The following CNBD1 variants were observed in gnomAD, a reference collection of about 807,000 sequenced individuals.
CNBD1 encodes the protein cyclic nucleotide binding domain containing 1, also known as cyclic nucleotide-binding domain-containing protein 1.
A neutral mutation model predicts 54.4 loss-of-function variants in CNBD1; 71 were observed. The ratio of observed to expected loss-of-function variants is 1.30; its 90% CI spans 1.08 to 1.59. The LOEUF (loss-of-function observed/expected upper bound fraction) is 1.59. Ranked by LOEUF, CNBD1 falls within the 40% of genes most tolerant of loss-of-function variation. The pLI is 0.00. For synonymous variants in CNBD1, 182 were observed against 170.7 expected, an observed-to-expected ratio of 1.07 and a Z score of -0.51; for missense variants, 659 against 518.0, an observed-to-expected ratio of 1.27 and a Z score of -2.64.
intron 5 of CNBD1, among the ~76,000 whole-genome samples, chr8:87,211,561 A>G (rs1248467740): frequency 1.3e-5 from 2 of 152,174 alleles, no homozygotes; most frequent in Non-Finnish European, 2.9e-5. Context: ...TGTCCTCATG[A>G]TAGTGAGTGA....
chr8:87,374,040 C>G (rs554226979), intron 10 of CNBD1, among the ~76,000 whole-genome samples: 1 of 151,690 alleles, frequency 6.6e-6, no homozygotes, highest in African/African-American at 2.4e-5. Flanking sequence ...ACATTTCTCT[C>G]CTTTGGTTGA....
chr8:87,422,723 G>T (rs1329270927), intron 2 of CNBD1, among the ~76,000 whole-genome samples: 2 of 152,106 alleles, frequency 1.3e-5, no homozygotes, highest in African/African-American at 2.4e-5. Flanking sequence ...CTCCAGCTTT[G>T]TTCTTTTGGC....
intron 4 of CNBD1, among the ~76,000 whole-genome samples, chr8:87,134,594 C>CTTTTTT (rs1167232265): frequency 3.4e-5 from 3 of 86,962 alleles, no homozygotes; most frequent in Non-Finnish European, 4.8e-5. Flanking sequence ...ATTAGATTAC[C>CTTTTTT]TTTTTTTTTT....
intron 9 of CNBD1, among the ~76,000 whole-genome samples, chr8:87,352,478 C>CAAAAAAAAAAAAAAAAAAAAAAA (rs386413278): frequency 9.3e-6 from 1 of 107,494 alleles, no homozygotes; most frequent in African/African-American, 3.8e-5. Context: ...GACTCTGTCT[C>CAAAAAAAAAAAAAAAAAAAAAAA]AAAAAAAAAA....
intron 3 of CNBD1, among the ~76,000 whole-genome samples, chr8:86,911,933 A>G (rs1023726838): frequency 1.3e-5 from 2 of 152,164 alleles, no homozygotes; most frequent in Non-Finnish European, 2.9e-5. Flanking sequence ...TACTAGGAAA[A>G]CTATAAATTT....
rs993138799 is a variant in CNBD1, at chr8:87,032,214, C to T, written c.431+92460C>T. On this transcript the variant is annotated intron_variant, in intron 4 of 10. Transcript: ENST00000518476. ...TTGGAATCCAAAATTATATGCAATT[C>T]ACCCTTGAACAATGTGGGGGGTAGG... 7.9e-5 allele frequency among the ~76,000 whole-genome samples: 12 copies of T among 152,292 alleles called. No individual in the cohort carries two copies. In the South Asian group the frequency reaches 1.9e-3, roughly 24 times the overall value.
chr8:86,940,451 C>T (rs1809634620), intron 4 of CNBD1, among the ~76,000 whole-genome samples: 1 of 152,112 alleles, frequency 6.6e-6, no homozygotes, highest in South Asian at 2.1e-4. Context: ...CAGGTGTGAG[C>T]TTCCGCACCC....
At chr8:87,404,905 A>G (rs185172389) in intron 2 of CNBD1, among the ~76,000 whole-genome samples, 1 of 152,104 alleles carries the variant, frequency 6.6e-6, no homozygotes, top group East Asian at 1.9e-4. Flanking sequence ...GCTTCTGTAT[A>G]TATATTTCTC....
rs182049590 is a variant in CNBD1, at chr8:86,874,083, A to G, written c.88+7500A>G. Among the ~76,000 whole-genome samples the G allele has an allele frequency of 5.9e-5, 9 of 152,286 alleles. No homozygotes were observed. The East Asian group carries it at 1.4e-3, about 23-fold the overall frequency. Reference sequence around the variant, plus strand: ...TCAAAATCTCATGTTTTTCTGGTCAATGTGTCTGTTTTATGCCAGCACCAT... The same window carrying G: ...TCAAAATCTCATGTTTTTCTGGTCAGTGTGTCTGTTTTATGCCAGCACCAT... On this transcript the variant is annotated intron_variant, in intron 1 of 10. Coordinates refer to ENST00000518476, the MANE Select transcript of CNBD1 (RefSeq NM_173538.3).
intron 10 of CNBD1, among the ~76,000 whole-genome samples, chr8:87,380,043 A>T (rs1331736570): frequency 6.6e-6 from 1 of 151,952 alleles, no homozygotes; most frequent in Admixed American, 6.6e-5. Context: ...AATGCAAGAC[A>T]ATAATATAAA....
At chr8:87,399,725 G>A (rs1039163116) in intron 2 of CNBD1, among the ~76,000 whole-genome samples, 1 of 151,952 alleles carries the variant, frequency 6.6e-6, no homozygotes, top group Non-Finnish European at 1.5e-5. Context: ...GTATTTAGCA[G>A]TGGGGCATTA....
intron 2 of CNBD1, among the ~76,000 whole-genome samples, chr8:87,398,357 A>G (rs915310061): frequency 3.3e-5 from 5 of 151,698 alleles, no homozygotes; most frequent in African/African-American, 1.2e-4. Context: ...TTCAGAGAAA[A>G]TGGACTTCCA....
At chr8:87,276,729 C>G (rs546992052) in intron 6 of CNBD1, among the ~76,000 whole-genome samples, 39 of 151,902 alleles carry the variant, frequency 2.6e-4, no homozygotes, top group African/African-American at 8.2e-4. Context: ...ATTAGAGTGG[C>G]TATAATTCAA....
At chr8:86,948,616 T>C (rs1807527887) in intron 4 of CNBD1, among the ~76,000 whole-genome samples, 2 of 152,214 alleles carry the variant, frequency 1.3e-5, no homozygotes, top group South Asian at 2.1e-4. Context: ...TATTAAATTC[T>C]TTCTTACAGA....
chr8:87,333,384 T>A (rs781286071), intron 8 of CNBD1, among the ~76,000 whole-genome samples: 1 of 152,176 alleles, frequency 6.6e-6, no homozygotes, highest in South Asian at 2.1e-4. Context: ...CTTGCCTGAT[T>A]ACCCTGGCCA....
At chr8:87,387,491 G>T (rs1464573980), downstream of CNBD1, among the ~76,000 whole-genome samples, 1 of 152,040 alleles carries the variant, frequency 6.6e-6, no homozygotes, top group Admixed American at 6.6e-5. Flanking sequence ...AACCAACAAA[G>T]ATCAAAAGAG....
intron 4 of CNBD1, among the ~76,000 whole-genome samples, chr8:87,007,169 C>T (rs1809120263): frequency 6.6e-6 from 1 of 151,482 alleles, no homozygotes; most frequent in Non-Finnish European, 1.5e-5. Flanking sequence ...TGCATTCCAG[C>T]CTGGGTGACA....
intron 3 of CNBD1, among the ~76,000 whole-genome samples, chr8:86,938,468 G>C (rs1399968024): frequency 1.3e-5 from 2 of 151,486 alleles, no homozygotes; most frequent in African/African-American, 2.5e-5. Flanking sequence ...ATAAAGGAAA[G>C]AGGTTTAATA....
chr8:87,261,508 G>T (rs371887287), intron 6 of CNBD1, among the ~76,000 whole-genome samples: 1 of 145,690 alleles, frequency 6.9e-6, no homozygotes, highest in East Asian at 2.0e-4. Flanking sequence ...GCCACATGGT[G>T]GAAGAAGTTT....
Sources: allele counts gnomAD v4.1 joint callset (sites outside exome capture counted in the v4.1 genomes callset), GRCh38; gene constraint gnomAD v4.1.1; transcripts MANE v1.5; gene names NCBI Gene and HGNC (gene_info 2026-07-23, HGNC 2026-07-21).